The following SYT16 variants were observed in gnomAD, a reference collection of about 807,000 sequenced individuals.
The protein encoded by SYT16 is synaptotagmin-16.
SYT16 carries 42 observed loss-of-function variants against 61.4 expected under a neutral mutation model. The observed-to-expected ratio is 0.68, with a 90% CI of 0.53 to 0.89. SYT16 has a LOEUF of 0.89. Ranked by LOEUF, SYT16 falls within the 40% of genes least tolerant of loss-of-function variation. SYT16 has a pLI of 0.00. For synonymous variants in SYT16, 314 were observed against 302.3 expected, an observed-to-expected ratio of 1.04 and a Z score of -0.40; for missense variants, 804 against 807.3, an observed-to-expected ratio of 1.00 and a Z score of 0.05.
In SYT16 at chr14:62,111,659, C is replaced by G. The variant is rs1051587952; in HGVS notation, c.*10952C>G. On this transcript the variant is annotated 3_prime_UTR_variant, in exon 8 of 8. Coordinates refer to ENST00000683842, the MANE Select transcript of SYT16 (RefSeq NM_001367656.1). ...AGTTTTGTTAGTTGTAAGGTGGAAG[C>G]CACCCCAATCCTCTCCCAGTGTTTC... is the stretch of plus-strand genomic sequence containing the variant. 2 of 152,034 alleles carry G rather than the reference C, an allele frequency of 1.3e-5. No homozygotes were observed. The highest frequency in any genetic ancestry group is 4.8e-5 in the African/African-American group (2 of 41,434). The allele number at this position is 152,034 out of a possible 1,614,324, so 9.4% of individuals were successfully genotyped here.
intron 1 of SYT16, among the ~76,000 whole-genome samples, chr14:61,907,965 G>A (rs2048788884): frequency 6.6e-6 from 1 of 152,244 alleles, no homozygotes; most frequent in African/African-American, 2.4e-5. Context: ...CAGAGCATGA[G>A]AGACTTTGTG....
intron 1 of SYT16, among the ~76,000 whole-genome samples, chr14:61,907,111 G>T (rs1400031480): frequency 6.6e-6 from 1 of 152,216 alleles, no homozygotes; most frequent in African/African-American, 2.4e-5. Context: ...TGCTCTAAAG[G>T]CAAGGTGAGC....
chr14:62,017,427 C>G (rs2053733720), intron 3 of SYT16, among the ~76,000 whole-genome samples: 1 of 152,188 alleles, frequency 6.6e-6, no homozygotes, highest in Non-Finnish European at 1.5e-5. Flanking sequence ...GCTTATAACT[C>G]TGCTTGGATG....
intron 2 of SYT16, among the ~76,000 whole-genome samples, chr14:61,988,521 T>C (rs2052414884): frequency 6.6e-6 from 1 of 152,256 alleles, no homozygotes; most frequent in African/African-American, 2.4e-5. Context: ...GTTGCTATAA[T>C]GTTATAAACC....
chr14:62,097,255 G>C (rs185218222), intron 7 of SYT16, among the ~76,000 whole-genome samples: 2 of 152,256 alleles, frequency 1.3e-5, no homozygotes, highest in South Asian at 2.1e-4. Flanking sequence ...TGACAGGGCT[G>C]TCAAGGGATT....
intron 2 of SYT16, among the ~76,000 whole-genome samples, chr14:61,978,687 A>G (rs2051925976): frequency 6.6e-6 from 1 of 152,028 alleles, no homozygotes; most frequent in South Asian, 2.1e-4. Context: ...GAAGTGCTTG[A>G]CCAGAGTGTT....
chr14:61,818,695 A>C (rs954654974), intron 1 of SYT16, among the ~76,000 whole-genome samples: 5 of 151,118 alleles, frequency 3.3e-5, no homozygotes, highest in African/African-American at 7.3e-5. Context: ...AAAAAAAAAA[A>C]CAGCATTTAG....
At chr14:62,020,201 C>G (rs1366764793) in intron 3 of SYT16, among the ~76,000 whole-genome samples, 1 of 152,090 alleles carries the variant, frequency 6.6e-6, no homozygotes, top group African/African-American at 2.4e-5. Context: ...GAAAGAAATT[C>G]AGTGAGTGAT....
intron 3 of SYT16, among the ~76,000 whole-genome samples, chr14:62,068,826 C>CA (rs1198032190): frequency 6.6e-6 from 1 of 152,082 alleles, no homozygotes; most frequent in African/African-American, 2.4e-5. Context: ...GACAGTGTCT[C>CA]ACTCTGTCAC....
intron 1 of SYT16, among the ~76,000 whole-genome samples, chr14:61,816,077 A>T (rs989946521): frequency 3.9e-5 from 6 of 152,150 alleles, no homozygotes; most frequent in African/African-American, 1.4e-4. Context: ...GGTATTGTAA[A>T]AGGAGACATC....
intron 1 of SYT16, chr14:61,831,975 G>A (rs2045951720): frequency 3.4e-6 from 2 of 595,816 alleles, no homozygotes; most frequent in Non-Finnish European, 6.5e-6. Context: ...TTTGTCAAAG[G>A]TGTGCGGGAT....
intron 3 of SYT16, among the ~76,000 whole-genome samples, chr14:62,045,352 G>A (rs1451736889): frequency 1.3e-5 from 2 of 152,010 alleles, no homozygotes; most frequent in Non-Finnish European, 2.9e-5. Context: ...GGACAAAGGT[G>A]TATAAAAGCA....
rs140612061 is a variant in SYT16 at position 61,839,034 on chromosome 14, G to T, written c.-325+26224G>T. Among the ~76,000 whole-genome samples the T allele has an allele frequency of 1.2e-4, 17 of 146,536 alleles. No homozygotes were observed. In the East Asian group the frequency reaches 1.6e-3, roughly 14 times the overall value. ...GTTCTTGCAAAATGAAGATGACCTC[G>T]CAGCCACAATTACAGAATGGTAATC... On this transcript the variant is annotated intron_variant, in intron 1 of 7. Coordinates refer to ENST00000683842, the MANE Select transcript of SYT16 (RefSeq NM_001367656.1).
At chr14:62,046,021 T>G (rs1021927948) in intron 3 of SYT16, among the ~76,000 whole-genome samples, 22 of 152,330 alleles carry the variant, frequency 1.4e-4, no homozygotes, top group African/African-American at 5.3e-4. Context: ...CCCTGAGGAA[T>G]CGCCACACTG....
intron 2 of SYT16, among the ~76,000 whole-genome samples, chr14:61,981,716 T>A (rs981830043): frequency 1.3e-5 from 2 of 152,152 alleles, no homozygotes; most frequent in African/African-American, 4.8e-5. Context: ...GCCAGCTGAT[T>A]GCTGGAGATG....
chr14:62,084,277 G>C lies in SYT16; in HGVS notation c.1516G>C (p.Ala506Pro), dbSNP rs776143627. The change falls in exon 7 of 8, where the codon GCG (alanine) becomes CCG (proline). Residue 506 changes from alanine to proline, a missense_variant. Coordinates refer to ENST00000683842, the MANE Select transcript of SYT16 (RefSeq NM_001367656.1). Reference sequence around the variant, plus strand: ...CACGCAGTCGCTGTCTCATGGAGGGGCGCCAGAGCTGTTGGTGGGGCTCTC... The same window carrying C: ...CACGCAGTCGCTGTCTCATGGAGGGCCGCCAGAGCTGTTGGTGGGGCTCTC... The part of the protein sequence containing the change: ...SSTQSLSHGG[A>P]PELLVGLSYN... 3.1e-6 allele frequency: 5 copies of C among 1,613,918 alleles called. No individual in the cohort carries two copies. The East Asian group carries it at 1.1e-4, about 36-fold the overall frequency.
intron 3 of SYT16, among the ~76,000 whole-genome samples, chr14:62,009,729 C>T (rs1051889896): frequency 1.3e-5 from 2 of 152,126 alleles, no homozygotes; most frequent in Admixed American, 6.5e-5. Context: ...CCAGCACAGC[C>T]CCTCACTCTG....
At position 62,010,944 on chromosome 14, in the gene SYT16, G is replaced by C. The variant is rs1390532133; in HGVS notation, c.523+14402G>C. Among the ~76,000 whole-genome samples, 5 of 152,258 alleles carry C rather than the reference G, an allele frequency of 3.3e-5. No homozygotes were observed. In the East Asian group the frequency reaches 7.7e-4, roughly 24 times the overall value. On this transcript the variant is annotated intron_variant, in intron 3 of 7. Coordinates refer to ENST00000683842, the MANE Select transcript of SYT16 (RefSeq NM_001367656.1). ...ACTGTTCTTCAACATTTAGATGCAT[G>C]ATGACCAGCAGTTACTTCTTTTGGT...
chr14:61,864,797 C>T, intron 1 of SYT16: 1 of 951,178 alleles, frequency 1.1e-6, no homozygotes, highest in Non-Finnish European at 1.6e-6. Context: ...CTGCCAGCGC[C>T]TGGAGGGCTA....
Sources: gnomAD v4.1 joint callset for allele counts (sites outside exome capture counted in the v4.1 genomes callset) on GRCh38, gnomAD v4.1.1 for gene constraint, MANE v1.5 for transcripts, NCBI Gene and HGNC (gene_info 2026-07-23, HGNC 2026-07-21) for gene names.